PATJ: variants seen among roughly 807,000 people sequenced by gnomAD.
PATJ encodes inaD-like protein.
A neutral mutation model predicts 224.9 loss-of-function variants in PATJ; 190 were observed. The ratio of observed to expected loss-of-function variants is 0.84; its 90% confidence interval spans 0.75 to 0.95. The LOEUF is 0.95. PATJ is among the 40% of genes least tolerant of loss of function. The pLI, the probability that PATJ is intolerant of heterozygous loss-of-function variation, is 0.00. For synonymous variants in PATJ, 769 were observed against 820.3 expected, an observed-to-expected ratio of 0.94 and a Z score of 1.07; for missense variants, 2,121 against 2,270.3, an observed-to-expected ratio of 0.93 and a Z score of 1.34.
rs774505356 is a variant in PATJ at position 62,079,562 on chromosome 1, G to A, written c.4238G>A (p.Gly1413Asp). ...SYHSTDADFTGYGGFQAPLSV... is the reference protein window; with the variant it reads ...SYHSTDADFTDYGGFQAPLSV... ...CATTCAACAGATGCAGACTTCACAGGCTATGGTATGATTCTTTCTCTCAGC... is the reference window on the plus strand; with the variant it reads ...CATTCAACAGATGCAGACTTCACAGACTATGGTATGATTCTTTCTCTCAGC... The change falls in exon 32 of 44, where the codon GGC (glycine) becomes GAC (aspartate). Residue 1413 changes from glycine (G) to aspartate (D), a missense_variant. By Grantham distance (94) the Gly-to-Asp change is moderately conservative (BLOSUM62 -1). Transcript: ENST00000642238. 75 of 1,580,062 alleles carry A rather than the reference G, an allele frequency of 4.7e-5. 1 individual carries two copies. In the East Asian group the frequency reaches 1.7e-3, roughly 35 times the overall value.
chr1:62,120,532 A>G (rs185783100), intron 37 of PATJ, among the ~76,000 whole-genome samples: 1 of 152,360 alleles, frequency 6.6e-6, no homozygotes, highest in African/African-American at 2.4e-5. Flanking sequence ...CACTAGCCTT[A>G]AAAGACTACA....
At chr1:62,043,033 G>A (rs1211652005) in intron 30 of PATJ, among the ~76,000 whole-genome samples, 2 of 152,158 alleles carry the variant, frequency 1.3e-5, no homozygotes, top group Non-Finnish European at 2.9e-5. Flanking sequence ...TGTGCTAGTT[G>A]AGTGAGCAAG....
intron 30 of PATJ, among the ~76,000 whole-genome samples, chr1:62,044,800 G>A (rs938981321): frequency 6.6e-6 from 1 of 152,162 alleles, no homozygotes; most frequent in South Asian, 2.1e-4. Flanking sequence ...GGGGTTAGAA[G>A]AAAGAAATTC....
chr1:61,832,070 A>G (rs548441109), intron 16 of PATJ, among the ~76,000 whole-genome samples: 80 of 152,350 alleles, frequency 5.3e-4, no homozygotes, highest in African/African-American at 1.9e-3. Flanking sequence ...AAATTAACAC[A>G]GAAACAGAAA....
At chr1:61,763,688 TTC>T (rs1646098259) in intron 3 of PATJ, among the ~76,000 whole-genome samples, 1 of 100,284 alleles carries the variant, frequency 1.0e-5, no homozygotes, top group Non-Finnish European at 2.6e-5. Context: ...GAGACAAGGT[TTC>T]TCTCTGTCAC....
intron 29 of PATJ, among the ~76,000 whole-genome samples, chr1:62,032,526 T>TG (rs911922344): frequency 2.6e-5 from 4 of 152,194 alleles, no homozygotes; most frequent in African/African-American, 9.7e-5. Flanking sequence ...GTCTGTAAAC[T>TG]GGGGGCAGGA....
At chr1:61,999,142 G>C (rs752739912) in intron 28 of PATJ, among the ~76,000 whole-genome samples, 1 of 152,028 alleles carries the variant, frequency 6.6e-6, no homozygotes, top group Non-Finnish European at 1.5e-5. Flanking sequence ...GAAATTTATG[G>C]AAGGAGTAAT....
chr1:62,160,536 A>G (rs757967810), intron 43 of PATJ, among the ~76,000 whole-genome samples: 35 of 152,290 alleles, frequency 2.3e-4, no homozygotes, highest in Non-Finnish European at 4.4e-4. Flanking sequence ...TAAGACTAAC[A>G]CCAGATTCAG....
chr1:61,886,315 C>T (rs1668825838), intron 22 of PATJ, among the ~76,000 whole-genome samples: 1 of 152,110 alleles, frequency 6.6e-6, no homozygotes, highest in Non-Finnish European at 1.5e-5. Context: ...AGGAAGAGAA[C>T]ATTTTAACAA....
chr1:61,886,250 T>G (rs1421764654), intron 22 of PATJ, among the ~76,000 whole-genome samples: 10 of 151,220 alleles, frequency 6.6e-5, no homozygotes, highest in Admixed American at 3.3e-4. Context: ...AGGAGTGAGC[T>G]GGAATGAACA....
chr1:61,915,288 A>C (rs964543120), intron 26 of PATJ, among the ~76,000 whole-genome samples: 1 of 152,100 alleles, frequency 6.6e-6, no homozygotes, highest in Non-Finnish European at 1.5e-5. Flanking sequence ...TTGCAGTCCA[A>C]CTCTGCTGTA....
At chr1:62,107,260 G>A (rs1663194034) in intron 33 of PATJ, among the ~76,000 whole-genome samples, 1 of 151,352 alleles carries the variant, frequency 6.6e-6, no homozygotes, top group Non-Finnish European at 1.5e-5. Context: ...GAGCCAAGAT[G>A]GCACCACTGC....
At position 61,966,686 on chromosome 1, in the gene PATJ, C is replaced by CAA. The variant is rs200855600; in HGVS notation, c.3671-23466_3671-23465dup. On this transcript the variant is annotated intron_variant, in intron 27 of 43. Coordinates refer to ENST00000642238, the MANE Select transcript of PATJ (RefSeq NM_001350145.3). ...GGGCGACAAGAGCGAGACTTCATCTCAAAAAAAAAAAAAAAAAGCAAGTTT... is the reference window on the plus strand; with the variant it reads ...GGGCGACAAGAGCGAGACTTCATCTCAAAAAAAAAAAAAAAAAAAGCAAGTTT... Among the ~76,000 whole-genome samples, 282 of 86,226 alleles carry CAA rather than the reference C, an allele frequency of 3.3e-3. 3 individuals are homozygous for CAA. Among genetic ancestry groups the CAA allele is most frequent in the African/African-American group, 6.4e-3 (159 of 24,964 alleles). 56.6% of individuals were successfully genotyped at this position (86,226 alleles called of 152,430 possible).
intron 27 of PATJ, among the ~76,000 whole-genome samples, chr1:61,937,073 T>TC (rs1676995703): frequency 6.6e-6 from 1 of 151,758 alleles, no homozygotes; most frequent in Non-Finnish European, 1.5e-5. Context: ...ATAAACCTAC[T>TC]CCCCAGAAAA....
Position 61,922,199 on chromosome 1 carries a change from C to T in PATJ, c.3571-5531C>T, listed in dbSNP as rs140017268. On this transcript the variant is annotated intron_variant, in intron 26 of 43. Coordinates refer to ENST00000642238, the MANE Select transcript of PATJ (RefSeq NM_001350145.3). ...CTGGGACTACAGGTGCACACCACCA[C>T]ACCTGGCTAATTTTTTTATTTTTTT... Among the ~76,000 whole-genome samples, 678 of 152,178 alleles carry T rather than the reference C, an allele frequency of 4.5e-3. 4 individuals are homozygous for T. Among genetic ancestry groups the T allele is most frequent in the Non-Finnish European group, 7.1e-3 (484 of 68,014 alleles).
intron 28 of PATJ, among the ~76,000 whole-genome samples, chr1:62,008,366 T>C (rs183744612): frequency 7.2e-5 from 11 of 152,316 alleles, no homozygotes; most frequent in Admixed American, 2.0e-4. Flanking sequence ...GGCTTTCTCA[T>C]CTTAGTGATA....
At chr1:61,787,565 T>G (rs1219883510) in intron 7 of PATJ, among the ~76,000 whole-genome samples, 189 bp from the exon 8 acceptor site, 1 of 152,218 alleles carries the variant, frequency 6.6e-6, no homozygotes, top group Admixed American at 6.5e-5. Context: ...GAGCCATTCC[T>G]TTGTGTTCTA....
intron 31 of PATJ, chr1:62,054,285 C>A (rs1359916885): frequency 7.4e-6 from 3 of 406,090 alleles, no homozygotes; most frequent in South Asian, 5.6e-5. Context: ...ATTACTTGGA[C>A]CTGGGAGGTT....
intron 31 of PATJ, among the ~76,000 whole-genome samples, chr1:62,078,516 T>G (rs1558137819): frequency 6.6e-6 from 1 of 151,932 alleles, no homozygotes; most frequent in Non-Finnish European, 1.5e-5. Flanking sequence ...GAACTCCTGA[T>G]GTCAGGTGAT....
Sources: allele counts gnomAD v4.1 joint callset (sites outside exome capture counted in the v4.1 genomes callset), GRCh38; gene constraint gnomAD v4.1.1; transcripts MANE v1.5; gene names NCBI Gene and HGNC (gene_info 2026-07-23, HGNC 2026-07-21).